Variants in NKAIN1 observed in about 807,000 individuals in gnomAD.
NKAIN1 encodes the protein sodium/potassium transporting ATPase interacting 1.
Under a neutral mutation model 31.6 loss-of-function variants are expected in NKAIN1, and 13 were observed. The observed-to-expected ratio is 0.41, with a 90% confidence interval of 0.27 to 0.65. The LOEUF is 0.65. Among genes scored for constraint, NKAIN1 ranks in the 30% least tolerant of loss-of-function variants. The pLI, the probability that NKAIN1 is intolerant of heterozygous loss-of-function variation, is 0.30. For synonymous variants in NKAIN1, 104 were observed against 109.0 expected (o/e 0.95, Z 0.28); for missense variants, 193 against 262.2 (o/e 0.74, Z 1.82).
intron 1 of NKAIN1, among the ~76,000 whole-genome samples, chr1:31,213,766 G>A (rs768306573): frequency 3.4e-4 from 52 of 152,096 alleles, no homozygotes; most frequent in African/African-American, 1.0e-3. Context: ...AGGGTGAAGC[G>A]GGAGGATCCC....
chr1:31,183,014 G>A (rs183858669), intron 4 of NKAIN1, among the ~76,000 whole-genome samples: 2 of 151,396 alleles, frequency 1.3e-5, no homozygotes, highest in East Asian at 3.9e-4. Flanking sequence ...CTTTCAGACA[G>A]GGTCTCACTC....
rs191269082 is a variant in NKAIN1 at position 31,202,754 on chromosome 1, G to A, written c.55-14567C>T. Among the ~76,000 whole-genome samples the A allele has an allele frequency of 6.2e-3, 937 of 151,352 alleles. 10 individuals are homozygous for A. Among genetic ancestry groups the A allele is most frequent in the African/African-American group, 0.021 (873 of 41,184 alleles). ...AGCACTTTGGGAGGCCAAGGTGGGC[G>A]GATCACGAGGTCAAGAGATTGAGAC... On this transcript the variant is annotated intron_variant, in intron 1 of 6. Transcript: ENST00000373736.
intron 1 of NKAIN1, among the ~76,000 whole-genome samples, chr1:31,205,598 C>T (rs905074431): frequency 1.3e-5 from 2 of 150,872 alleles, no homozygotes; most frequent in Non-Finnish European, 2.9e-5. Context: ...TGAGCAACCA[C>T]GCCCAGCCGG....
chr1:31,208,626 T>C (rs1645441551), intron 1 of NKAIN1, among the ~76,000 whole-genome samples: 1 of 83,120 alleles, frequency 1.2e-5, no homozygotes, highest in Non-Finnish European at 3.1e-5. Context: ...GGCCCCCACA[T>C]AGTGGGGGGA....
chr1:31,198,611 T>C (rs952408529), intron 1 of NKAIN1, among the ~76,000 whole-genome samples: 2 of 152,012 alleles, frequency 1.3e-5, no homozygotes, highest in Non-Finnish European at 2.9e-5. Context: ...CACCTAGCAA[T>C]GCCAACCCCC....
At chr1:31,212,303 A>C (rs898015239) in intron 1 of NKAIN1, among the ~76,000 whole-genome samples, 5 of 152,216 alleles carry the variant, frequency 3.3e-5, no homozygotes, top group African/African-American at 9.6e-5. Flanking sequence ...AAATTAACTG[A>C]AAATGGGTCA....
intron 1 of NKAIN1, among the ~76,000 whole-genome samples, chr1:31,190,068 A>G (rs1037227467): frequency 1.3e-5 from 2 of 152,264 alleles, no homozygotes; most frequent in African/African-American, 2.4e-5. Flanking sequence ...TTTGCAACAA[A>G]GAGTCCTAAC....
At chr1:31,199,188 G>A (rs1185398443) in intron 1 of NKAIN1, among the ~76,000 whole-genome samples, 4 of 152,274 alleles carry the variant, frequency 2.6e-5, no homozygotes, top group Admixed American at 6.5e-5. Flanking sequence ...AGTCCACTGA[G>A]GGACGAGCTC....
chr1:31,194,659 G>T (rs1159086601), intron 1 of NKAIN1, among the ~76,000 whole-genome samples: 1 of 149,356 alleles, frequency 6.7e-6, no homozygotes, highest in Non-Finnish European at 1.5e-5. Flanking sequence ...TGCCTGCCTC[G>T]GCCTCCCAAA....
At chr1:31,238,231 A>C (rs1162929916) in intron 1 of NKAIN1, among the ~76,000 whole-genome samples, 1 of 152,148 alleles carries the variant, frequency 6.6e-6, no homozygotes, top group East Asian at 1.9e-4. Flanking sequence ...CCAGGAGGAG[A>C]GAAGCAAGAC....
chr1:31,212,227 G>A (rs1006500684), intron 1 of NKAIN1, among the ~76,000 whole-genome samples: 1 of 152,042 alleles, frequency 6.6e-6, no homozygotes, highest in Non-Finnish European at 1.5e-5. Context: ...AACAAATGTT[G>A]CTGGGACAAC....
chr1:31,184,016 T>A lies in NKAIN1; in HGVS notation c.274-2A>T. The stretch of plus-strand genomic sequence containing the variant: ...GAAGGTCATGATGAAGTCCCGGTCC[T>A]GGGGGCAAAGGGGCCTGGGATACTG... On this transcript the variant is annotated splice_acceptor_variant, in intron 3 of 6. Transcript: ENST00000373736. LOFTEE classifies it high-confidence loss of function. 1 of 1,612,656 alleles carries A rather than the reference T, an allele frequency of 6.2e-7. No homozygotes were observed. Among genetic ancestry groups the A allele is most frequent in the Non-Finnish European group, 8.5e-7 (1 of 1,179,424 alleles).
chr1:31,184,100 G>T (rs932734728), intron 3 of NKAIN1, 86 bp from the exon 4 acceptor site: 3 of 1,232,550 alleles, frequency 2.4e-6, no homozygotes, highest in African/African-American at 1.5e-5. Flanking sequence ...TATATTGATC[G>T]GTGAAGGGAT....
At chr1:31,231,777 G>A (rs1055317903) in intron 1 of NKAIN1, among the ~76,000 whole-genome samples, 8 of 150,972 alleles carry the variant, frequency 5.3e-5, no homozygotes, top group South Asian at 2.1e-4. Context: ...TGATCCGCCC[G>A]CCTTGGCCTC....
At chr1:31,238,902 AC>A (rs1342254177) in intron 1 of NKAIN1, among the ~76,000 whole-genome samples, 3 of 152,176 alleles carry the variant, frequency 2.0e-5, no homozygotes, top group Non-Finnish European at 4.4e-5. Context: ...GGAGGCAGAA[AC>A]AACACAAAGG....
intron 1 of NKAIN1, among the ~76,000 whole-genome samples, chr1:31,238,350 A>G (rs1231207632): frequency 6.6e-6 from 1 of 152,190 alleles, no homozygotes; most frequent in Admixed American, 6.5e-5. Context: ...ACCCAGAACA[A>G]GGAGTCCAGC....
Position 31,188,773 on chromosome 1 carries a change from A to G in NKAIN1, c.55-586T>C, listed in dbSNP as rs117967755. 4.1e-3 allele frequency among the ~76,000 whole-genome samples: 617 copies of G among 152,278 alleles called. 37 individuals are homozygous for G. In the East Asian group the frequency reaches 0.099, roughly 24 times the overall value. On this transcript the variant is annotated intron_variant, in intron 1 of 6. Coordinates refer to ENST00000373736, the MANE Select transcript of NKAIN1 (RefSeq NM_024522.3). ...TGCCTAAAGGGACTTTGGCAAACAC[A>G]ATGCAAACCATGTTTGAAAAAGGCT...
intron 1 of NKAIN1, among the ~76,000 whole-genome samples, chr1:31,225,327 T>A (rs1308907310): frequency 2.8e-4 from 1 of 3,528 alleles, no homozygotes; most frequent in Non-Finnish European, 1.3e-3. Context: ...TGCCCGGCCT[T>A]TTTTTTTTTT....
At chr1:31,236,130 G>A (rs10798834) in intron 1 of NKAIN1, among the ~76,000 whole-genome samples, 78,278 of 151,916 alleles carry the variant, frequency 0.52, 20,888 homozygotes, top group Non-Finnish European at 0.59. Flanking sequence ...GCTCAGAGAC[G>A]GTAAGCAACT....
Sources: gnomAD v4.1 joint callset for allele counts (sites outside exome capture counted in the v4.1 genomes callset) on GRCh38, gnomAD v4.1.1 for gene constraint, MANE v1.5 for transcripts, NCBI Gene and HGNC (gene_info 2026-07-23, HGNC 2026-07-21) for gene names.